The following CREB5 variants were observed in gnomAD, a reference collection of about 807,000 sequenced individuals.
CREB5 encodes the protein cAMP responsive element binding protein 5, also known as cyclic AMP-responsive element-binding protein 5.
A neutral mutation model predicts 57.1 loss-of-function variants in CREB5; 19 were observed. The ratio of observed to expected loss-of-function variants is 0.33; its 90% CI spans 0.23 to 0.49. The LOEUF (loss-of-function observed/expected upper bound fraction) is 0.49, where lower values mean the gene tolerates loss of function less well. CREB5 is among the 20% of genes least tolerant of loss of function. The pLI is 0.99. For synonymous variants in CREB5, 238 were observed against 238.3 expected (o/e 1.00, Z 0.01); for missense variants, 579 against 671.6 (o/e 0.86, Z 1.52).
intron 5 of CREB5, among the ~76,000 whole-genome samples, chr7:28,629,741 A>G (rs1003526125): frequency 6.6e-6 from 1 of 152,176 alleles, no homozygotes; most frequent in African/African-American, 2.4e-5. Context: ...TTTATAAGGG[A>G]TGGCATCTAT....
intron 1 of CREB5, among the ~76,000 whole-genome samples, chr7:28,325,449 CA>C (rs577622982): frequency 2.4e-5 from 3 of 124,504 alleles, no homozygotes; most frequent in Non-Finnish European, 5.2e-5. Context: ...AGCAAGACTC[CA>C]TCTCAAAAAA....
chr7:28,469,019 C>G (rs1356962192), intron 1 of CREB5, among the ~76,000 whole-genome samples: 1 of 152,144 alleles, frequency 6.6e-6, no homozygotes, highest in African/African-American at 2.4e-5. Flanking sequence ...CAACACCTAG[C>G]GTAGTTCCAG....
chr7:28,484,822 C>T (rs1304918658), intron 1 of CREB5, among the ~76,000 whole-genome samples: 1 of 152,188 alleles, frequency 6.6e-6, no homozygotes, highest in East Asian at 1.9e-4. Context: ...TGACATATCT[C>T]AGTGGCTAAC....
chr7:28,522,898 A>T (rs1793271461), intron 4 of CREB5, among the ~76,000 whole-genome samples: 1 of 152,150 alleles, frequency 6.6e-6, no homozygotes, highest in Non-Finnish European at 1.5e-5. Flanking sequence ...TGCTCTGCTC[A>T]CCAAGATGCG....
chr7:28,668,331 T>C (rs1457834442), intron 5 of CREB5, among the ~76,000 whole-genome samples: 1 of 152,198 alleles, frequency 6.6e-6, no homozygotes, highest in Non-Finnish European at 1.5e-5. Context: ...CATTCCAAAA[T>C]GAAGGGTCAT....
intron 7 of CREB5, among the ~76,000 whole-genome samples, chr7:28,778,653 A>T (rs1038668218): frequency 6.6e-6 from 1 of 152,234 alleles, no homozygotes; most frequent in African/African-American, 2.4e-5. Context: ...AGGAATTAGA[A>T]AATGTGCTAG....
chr7:28,416,387 A>G (rs1788027368), intron 1 of CREB5, among the ~76,000 whole-genome samples: 1 of 152,268 alleles, frequency 6.6e-6, no homozygotes. Flanking sequence ...GCTGACTATT[A>G]GAAGAAATAC....
At chr7:28,499,619 C>T (rs758536080) in intron 3 of CREB5, among the ~76,000 whole-genome samples, 3 of 152,106 alleles carry the variant, frequency 2.0e-5, no homozygotes, top group Non-Finnish European at 4.4e-5. Context: ...GTTTCGCTCT[C>T]GTTGCCCAGG....
chr7:28,547,741 T>C (rs187095568), intron 4 of CREB5, among the ~76,000 whole-genome samples: 2 of 152,340 alleles, frequency 1.3e-5, no homozygotes, highest in Admixed American at 6.5e-5. Context: ...CTTACAATTA[T>C]ATGAAGGCAG....
intron 7 of CREB5, among the ~76,000 whole-genome samples, chr7:28,766,722 G>A (rs1328740569): frequency 2.6e-5 from 4 of 152,156 alleles, no homozygotes; most frequent in Non-Finnish European, 5.9e-5. Flanking sequence ...GCCCTTGTGG[G>A]TAACTAAGCC....
At position 28,346,466 on chromosome 7, in the gene CREB5, T is replaced by A. The variant is rs374371654; in HGVS notation, c.-25+47025T>A. Among the ~76,000 whole-genome samples the A allele has an allele frequency of 9.2e-5, 14 of 152,358 alleles. No homozygotes were observed. In the East Asian group the frequency reaches 2.5e-3, roughly 27 times the overall value. On this transcript the variant is annotated intron_variant, in intron 1 of 9. Transcript: ENST00000396299. ...TGACCTAATCACTTCCCAAAGGTCCTGCCTCCTAATACCATCACCTTAGGG... is the reference window on the plus strand; with the variant it reads ...TGACCTAATCACTTCCCAAAGGTCCAGCCTCCTAATACCATCACCTTAGGG...
At chr7:28,533,949 AT>A (rs2128623576) in intron 4 of CREB5, among the ~76,000 whole-genome samples, 2 of 152,268 alleles carry the variant, frequency 1.3e-5, no homozygotes, top group South Asian at 4.2e-4. Context: ...GGACTCCAAC[AT>A]TTACTTTTGA....
At chr7:28,579,007 A>T (rs1420755751) in intron 5 of CREB5, among the ~76,000 whole-genome samples, 1 of 152,228 alleles carries the variant, frequency 6.6e-6, no homozygotes, top group Admixed American at 6.5e-5. Context: ...TATTTCAATG[A>T]GGCAGTGCAA....
chr7:28,489,464 T>G (rs1791708519), intron 2 of CREB5, among the ~76,000 whole-genome samples: 1 of 151,642 alleles, frequency 6.6e-6, no homozygotes, highest in Admixed American at 6.6e-5. Context: ...CACGCCCGGG[T>G]AATTTTTTGT....
intron 2 of CREB5, among the ~76,000 whole-genome samples, chr7:28,491,788 G>C (rs914196110): frequency 6.6e-6 from 1 of 152,154 alleles, no homozygotes; most frequent in East Asian, 1.9e-4. Context: ...TGTGGCCATG[G>C]TGTTTACTTT....
chr7:28,584,906 C>T (rs1796254537), intron 5 of CREB5, among the ~76,000 whole-genome samples: 1 of 152,158 alleles, frequency 6.6e-6, no homozygotes, highest in African/African-American at 2.4e-5. Context: ...GAACAGCTAT[C>T]TTGCTGTTGG....
chr7:28,737,566 TATATATATATATATA>T (rs1177831336), intron 7 of CREB5, among the ~76,000 whole-genome samples: 7 of 95,288 alleles, frequency 7.3e-5, no homozygotes, highest in South Asian at 2.6e-4. Context: ...TATATATATA[TATATATATATATATA>T]TATATATTTT....
intron 1 of CREB5, among the ~76,000 whole-genome samples, chr7:28,361,483 C>T (rs541561235): frequency 4.3e-4 from 66 of 152,316 alleles, no homozygotes; most frequent in African/African-American, 1.5e-3. Flanking sequence ...CCTGCCCCAG[C>T]CCAGCTAGGT....
chr7:28,530,752 TG>T (rs1199707320), intron 4 of CREB5, among the ~76,000 whole-genome samples: 1 of 152,158 alleles, frequency 6.6e-6, no homozygotes, highest in Admixed American at 6.5e-5. Flanking sequence ...AGCGCAAGTG[TG>T]TCTCAAAATA....
Sources: allele counts gnomAD v4.1 joint callset (sites outside exome capture counted in the v4.1 genomes callset), GRCh38; gene constraint gnomAD v4.1.1; transcripts MANE v1.5; gene names NCBI Gene and HGNC (gene_info 2026-07-23, HGNC 2026-07-21).